TTN: variants seen among roughly 807,000 people sequenced by gnomAD.
The protein encoded by TTN is titin.
Under a neutral mutation model 3,223.0 loss-of-function variants are expected in TTN, and 1,525 were observed. The ratio of observed to expected loss-of-function variants is 0.47; its 90% CI spans 0.45 to 0.49. The LOEUF (loss-of-function observed/expected upper bound fraction) is 0.49. TTN is among the 20% of genes least tolerant of loss of function. The probability of loss-of-function intolerance (pLI) is 0.00; values close to 1 mark genes in which losing one functional copy is unlikely to be tolerated. For synonymous variants in TTN, 14,094 were observed against 15,161.0 expected, an observed-to-expected ratio of 0.93 and a Z score of 5.17; for missense variants, 40,786 against 43,424.0, an observed-to-expected ratio of 0.94 and a Z score of 5.40.
chr2:178,593,468 A>G lies in TTN; in HGVS notation c.58740T>C (p.Pro19580=). ...TAACAATTGGCTGATCAGGTGCATC[A>G]GGAACCCCTGTAACAAATGTTGGAA... The part of the protein sequence containing the change: ...SMKAKDRFRV[P]DAPDQPIVTE... Residue 19580 remains proline, a synonymous_variant, in exon 299 of 363, where the codon CCT becomes CCC. Transcript: ENST00000589042. The G allele has an allele frequency of 6.2e-7, 1 of 1,608,800 alleles. No homozygotes were observed. The highest frequency in any genetic ancestry group is 8.5e-7 in the Non-Finnish European group (1 of 1,178,758).
At chr2:178,764,082 A>G (rs1439255464) in intron 43 of TTN, 95 bp downstream of exon 43, 10 of 1,544,890 alleles carry the variant, frequency 6.5e-6, no homozygotes, top group Non-Finnish European at 8.9e-6. Flanking sequence ...ATTATGCATG[A>G]GAGATGTTTG....
At position 178,746,819 on chromosome 2, in the gene TTN, A is replaced by C. The variant is rs1267637986; in HGVS notation, c.11312-4898T>G. The C allele has an allele frequency of 1.9e-6, 3 of 1,613,250 alleles. No individual in the cohort carries two copies. In the East Asian group the frequency reaches 6.7e-5, roughly 36 times the overall value. On this transcript the variant is annotated intron_variant, in intron 47 of 362. Coordinates refer to ENST00000589042, the MANE Select transcript of TTN (RefSeq NM_001267550.2). ...GAAGCCTAGTGTTGTGTTTTCATATACCTTCCTTTTGGTCAGAGGTTCAAT... is the reference window on the plus strand; with the variant it reads ...GAAGCCTAGTGTTGTGTTTTCATATCCCTTCCTTTTGGTCAGAGGTTCAAT...
intron 18 of TTN, 71 bp from the exon 19 acceptor site, chr2:178,782,673 T>C (rs2092884232): frequency 2.5e-6 from 4 of 1,605,780 alleles, no homozygotes; most frequent in Non-Finnish European, 2.6e-6. Context: ...GACAGTTAAA[T>C]TGACCATATA....
rs1553868860 is a variant in TTN at position 178,698,900 on chromosome 2, C to G, written c.30697G>C (p.Val10233Leu). 1 of 1,514,228 alleles carries G rather than the reference C, an allele frequency of 6.6e-7. No homozygotes were observed. The highest frequency in any genetic ancestry group is 2.5e-5 in the East Asian group (1 of 40,260). The allele number at this position is 1,514,228 out of a possible 1,614,324, so 93.8% of individuals were successfully genotyped here. The change falls in exon 112 of 363, where the codon GTG becomes CTG. Residue 10233 changes from valine (V) to leucine (L), a missense_variant. Val to Leu is a conservative substitution (Grantham distance 32, BLOSUM62 1). Coordinates refer to ENST00000589042, the MANE Select transcript of TTN (RefSeq NM_001267550.2). ...ACAACTTTTTTGGCATCTTTCTTCA[C>G]AGCCTTTTTGGTAACTAAAAAAAAA... Reference protein sequence around the residue: ...PKRIEVTKKAVKKDAKKVVAK... With the variant: ...PKRIEVTKKALKKDAKKVVAK...
rs1248936680 is a variant in TTN at position 178,601,449 on chromosome 2, A to G, written c.55548T>C (p.Ile18516=). Residue 18516 remains isoleucine (I), a synonymous_variant, in exon 287 of 363, where the codon ATT becomes ATC. Coordinates refer to ENST00000589042, the MANE Select transcript of TTN (RefSeq NM_001267550.2). ...DGGDRIKGYV[I]EKRTIDGKAW... is the part of the protein sequence containing the mutation. ...CTTTTCCATCAATAGTCCTCTTCTC[A>G]ATAACATAGCCTTTGATCCTGTCTC... 3 of 1,612,996 alleles carry G rather than the reference A, an allele frequency of 1.9e-6. No individual in the cohort carries two copies. The Admixed American group carries it at 5.0e-5, about 27-fold the overall frequency.
chr2:178,672,100 C>T lies in TTN; in HGVS notation c.35098G>A (p.Glu11700Lys), dbSNP rs915109338. ...YFEEGEFHEV[E>K]EFIKLEQHRV... ...TGTTGTTCTAATTTGATGAATTCTT[C>T]TACTTCATGAAACTCGCCTTCTTCA... Residue 11700 changes from glutamate to lysine, a missense_variant, in exon 155 of 363, where the codon GAA (glutamate) becomes AAA (lysine). Glu to Lys is a moderately conservative substitution (Grantham distance 56). Coordinates refer to ENST00000589042, the MANE Select transcript of TTN (RefSeq NM_001267550.2). 2 of 1,612,010 alleles carry T rather than the reference C, an allele frequency of 1.2e-6. No homozygotes were observed. The highest frequency in any genetic ancestry group is 1.7e-6 in the Non-Finnish European group (2 of 1,179,054).
chr2:178,567,373 T>A lies in TTN; in HGVS notation c.78759A>T (p.Val26253=). The change falls in exon 326 of 363, where the codon GTA becomes GTT. Residue 26253 remains valine, a synonymous_variant. Coordinates refer to ENST00000589042, the MANE Select transcript of TTN (RefSeq NM_001267550.2). ...KNTDFKALLI[V]KDAIRIDGGQ... is the part of the protein sequence containing the mutation. ...CACCATCAATTCTAATTGCATCTTTTACAATAAGTAAAGCCTTGAAATCTG... is the reference window on the plus strand; with the variant it reads ...CACCATCAATTCTAATTGCATCTTTAACAATAAGTAAAGCCTTGAAATCTG... 6.3e-7 allele frequency: 1 copy of A among 1,594,196 alleles called. No individual in the cohort carries two copies. The highest frequency in any genetic ancestry group is 8.5e-7 in the Non-Finnish European group (1 of 1,172,578).
rs1174956327 is a variant in TTN, at chr2:178,666,505, C to T, written c.35875+319G>A. 3.3e-5 allele frequency among the ~76,000 whole-genome samples: 5 copies of T among 152,194 alleles called. No homozygotes were observed. The South Asian group carries it at 8.3e-4, about 25-fold the overall frequency. On this transcript the variant is annotated intron_variant, in intron 163 of 362. Transcript: ENST00000589042. Reference sequence around the variant, plus strand: ...ATCTTGTAGAGATATTACAGATCAGCTTCACACTGAATTAATATTTTCTTT... The same window carrying T: ...ATCTTGTAGAGATATTACAGATCAGTTTCACACTGAATTAATATTTTCTTT...
Position 178,547,392 on chromosome 2 carries a change from T to G in TTN, c.94219+15A>C. 1 of 1,585,710 alleles carries G rather than the reference T, an allele frequency of 6.3e-7. No homozygotes were observed. The highest frequency in any genetic ancestry group is 8.6e-7 in the Non-Finnish European group (1 of 1,165,854). On this transcript the variant is annotated intron_variant, in intron 339 of 362. Coordinates refer to ENST00000589042, the MANE Select transcript of TTN (RefSeq NM_001267550.2). Reference sequence around the variant, plus strand: ...AATAATAGAGACTTTGAAATAGGATTTTTATTTTTCTTACCAAATGGATGT... The same window carrying G: ...AATAATAGAGACTTTGAAATAGGATGTTTATTTTTCTTACCAAATGGATGT...
chr2:178,530,525 C>T lies in TTN; in HGVS notation c.106090G>A (p.Glu35364Lys). The part of the protein sequence containing the change: ...QGEYVCEISG[E>K]GGTSKTNLQF... ...AAGTTGGTTTTAGACGTTCCACCTT[C>T]ACCAGAAATCTCACAAACATATTCT... The change falls in exon 358 of 363, where the codon GAA becomes AAA. Residue 35364 changes from glutamate to lysine, a missense_variant. Physicochemically the swap from Glu to Lys is moderately conservative, Grantham distance 56. Coordinates refer to ENST00000589042, the MANE Select transcript of TTN (RefSeq NM_001267550.2). 6.2e-7 allele frequency: 1 copy of T among 1,614,002 alleles called. No individual in the cohort carries two copies. The highest frequency in any genetic ancestry group is 8.5e-7 in the Non-Finnish European group (1 of 1,179,888).
chr2:178,667,372 T>A, intron 161 of TTN, 53 bp from the exon 162 acceptor site: 1 of 1,570,288 alleles, frequency 6.4e-7, no homozygotes, highest in Non-Finnish European at 8.7e-7. Context: ...CAGTAAATTA[T>A]AAAAAGCATG....
In TTN at chr2:178,756,387, C is replaced by G. The variant is rs2086945307; in HGVS notation, c.11089G>C (p.Gly3697Arg). The change falls in exon 46 of 363, where the codon GGT (glycine) becomes CGT (arginine). Residue 3697 changes from glycine to arginine, a missense_variant. By Grantham distance (125) the Gly-to-Arg change is moderately radical. Coordinates refer to ENST00000589042, the MANE Select transcript of TTN (RefSeq NM_001267550.2). ...CTCTCGGATTCCTCTATCTTTGCAC[C>G]TTCGTGAGTCCAGGTTACATCAATG... ...SFIDVTWTHE[G>R]AKIEESERLK... The G allele has an allele frequency of 1.2e-6, 2 of 1,613,622 alleles. No individual in the cohort carries two copies. Among genetic ancestry groups the G allele is most frequent in the African/African-American group, 1.3e-5 (1 of 74,866 alleles).
rs200677631 is a variant in TTN at position 178,785,964 on chromosome 2, G to A, written c.2254C>T (p.Arg752Cys). 17 of 1,614,122 alleles carry A rather than the reference G, an allele frequency of 1.1e-5. No homozygotes were observed. Among genetic ancestry groups the A allele is most frequent in the South Asian group, 4.4e-5 (4 of 91,078 alleles). Reference sequence around the variant, plus strand: ...ACAACGTGGGGTTCTGAGGCTGGACGTTGGGGAGGCTCAGCTACCTTTGCG... The same window carrying A: ...ACAACGTGGGGTTCTGAGGCTGGACATTGGGGAGGCTCAGCTACCTTTGCG... ...SAAKVAEPPQ[R>C]PASEPHVVPK... Residue 752 changes from arginine (R) to cysteine (C), a missense_variant, in exon 14 of 363, where the codon CGT becomes TGT. Coordinates refer to ENST00000589042, the MANE Select transcript of TTN (RefSeq NM_001267550.2).
At position 178,718,578 on chromosome 2, in the gene TTN, T is replaced by A. The variant is rs1162009739; in HGVS notation, c.24528A>T (p.Arg8176Ser). ...CTGTCTCAACACTGAAATCAGCCAA[T>A]CTTTTCACAAAGGTGGCTGGTTCTA... ...FVKEPATFVK[R>S]LADFSVETGS... is the part of the protein sequence containing the mutation. The change falls in exon 85 of 363, where the codon AGA (arginine) becomes AGT (serine). Residue 8176 changes from arginine to serine, a missense_variant. Arg to Ser is a moderately radical substitution (Grantham distance 110). Coordinates refer to ENST00000589042, the MANE Select transcript of TTN (RefSeq NM_001267550.2). 6.2e-7 allele frequency: 1 copy of A among 1,612,494 alleles called. No homozygotes were observed. Among genetic ancestry groups the A allele is most frequent in the Non-Finnish European group, 8.5e-7 (1 of 1,178,960 alleles).
rs146970027 is a variant in TTN at position 178,773,533 on chromosome 2, T to C, written c.7523A>G (p.His2508Arg). The C allele has an allele frequency of 6.3e-4, 1,011 of 1,613,820 alleles. 1 individual carries two copies. The highest frequency in any genetic ancestry group is 7.1e-4 in the Non-Finnish European group (835 of 1,179,872). ...TKQRLVINRTHASDEGPYKLI... is the reference protein window; with the variant it reads ...TKQRLVINRTRASDEGPYKLI... Reference sequence around the variant, plus strand: ...CTTGTAAGGTCCTTCGTCTGAAGCATGAGTTCGGTTAATGACTAGTCGCTG... The same window carrying C: ...CTTGTAAGGTCCTTCGTCTGAAGCACGAGTTCGGTTAATGACTAGTCGCTG... The change falls in exon 32 of 363, where the codon CAT (histidine) becomes CGT (arginine). Residue 2508 changes from histidine (H) to arginine (R), a missense_variant. His to Arg is a conservative substitution (Grantham distance 29). Coordinates refer to ENST00000589042, the MANE Select transcript of TTN (RefSeq NM_001267550.2).
At chr2:178,686,386 C>T (rs1233730036) in intron 127 of TTN, among the ~76,000 whole-genome samples, 2 of 150,992 alleles carry the variant, frequency 1.3e-5, no homozygotes, top group Non-Finnish European at 2.9e-5. Flanking sequence ...TCCCAAAGTG[C>T]TGGGATTACA....
chr2:178,716,512 T>G (rs1286506257), intron 88 of TTN, among the ~76,000 whole-genome samples: 2 of 152,182 alleles, frequency 1.3e-5, no homozygotes, highest in Non-Finnish European at 2.9e-5. Context: ...TTGAGTGAAC[T>G]ATTTAATTTC....
In TTN at chr2:178,730,611, G is replaced by A; in HGVS notation, c.17922C>T (p.Ala5974=). 6.2e-7 allele frequency: 1 copy of A among 1,613,628 alleles called. No individual in the cohort carries two copies. The highest frequency in any genetic ancestry group is 8.5e-7 in the Non-Finnish European group (1 of 1,179,672). The change falls in exon 61 of 363, where the codon GCC becomes GCT. Residue 5974 remains alanine (A), a synonymous_variant. Transcript: ENST00000589042. ...KYKFSFHDNT[A]FLEISQLEGT... is the part of the protein sequence containing the mutation. ...CTTCCAGCTGGCTGATTTCCAAGAAGGCAGTATTGTCATGAAAAGAGAATT... is the reference window on the plus strand; with the variant it reads ...CTTCCAGCTGGCTGATTTCCAAGAAAGCAGTATTGTCATGAAAAGAGAATT...
At position 178,619,782 on chromosome 2, in the gene TTN, C is replaced by T; in HGVS notation, c.46535G>A (p.Trp15512Ter). 1 of 1,612,420 alleles carries T rather than the reference C, an allele frequency of 6.2e-7. No individual in the cohort carries two copies. The highest frequency in any genetic ancestry group is 8.5e-7 in the Non-Finnish European group (1 of 1,178,926). The change falls in exon 250 of 363, where the codon TGG becomes TAG. Residue 15512 changes from tryptophan (W) to a stop codon, truncating the protein, a stop_gained. Coordinates refer to ENST00000589042, the MANE Select transcript of TTN (RefSeq NM_001267550.2). LOFTEE classifies it high-confidence loss of function. ...GACAACAACCATGTTATTTCTTAGC[C>T]ATTGGACTTCCACCTTATCTTTATT... is the stretch of plus-strand genomic sequence containing the variant. ...ELNKDKVEVQWLRNNMVVVQG... is the reference protein window; with the variant it reads ...ELNKDKVEVQ
Sources: allele counts gnomAD v4.1 joint callset (sites outside exome capture counted in the v4.1 genomes callset), GRCh38; gene constraint gnomAD v4.1.1; transcripts MANE v1.5; gene names NCBI Gene and HGNC (gene_info 2026-07-23, HGNC 2026-07-21).